Variants in RAD52 observed in about 807,000 individuals in gnomAD.
RAD52 encodes the protein RAD52 DNA repair protein, also known as DNA repair protein RAD52 homolog.
Under a neutral mutation model 55.5 loss-of-function variants are expected in RAD52, and 47 were observed. That is an observed-to-expected ratio of 0.85 (90% CI 0.67 to 1.08). The LOEUF (loss-of-function observed/expected upper bound fraction) is 1.08. Among genes scored for constraint, RAD52 ranks in the 50% least tolerant of loss-of-function variants. The pLI is 0.00. For synonymous variants in RAD52, 184 were observed against 198.9 expected (o/e 0.92, Z 0.63); for missense variants, 468 against 522.8 (o/e 0.90, Z 1.02).
In RAD52 at chr12:926,871, G is replaced by A. The variant is rs754040960; in HGVS notation, c.467+274C>T. 285 of 1,536,448 alleles carry A rather than the reference G, an allele frequency of 1.9e-4. 4 individuals are homozygous for A. The South Asian group carries it at 3.3e-3, about 18-fold the overall frequency. ...GTGCACTCGCAGTAGGAGTGGGAAG[G>A]CCTCCGGCACACATGACTGAGTGCA... On this transcript the variant is annotated intron_variant, in intron 6 of 11. Coordinates refer to ENST00000358495, the MANE Select transcript of RAD52 (RefSeq NM_134424.4).
upstream of RAD52, among the ~76,000 whole-genome samples, chr12:951,275 G>C (rs1462519115): frequency 6.6e-6 from 1 of 151,998 alleles, no homozygotes; most frequent in African/African-American, 2.4e-5. Context: ...ACCACACCTG[G>C]CTAATCTAAA....
chr12:972,562 C>G (rs138542339), intron 1 of RAD52, among the ~76,000 whole-genome samples: 10,966 of 151,508 alleles, frequency 0.072, 470 homozygotes, highest in African/African-American at 0.12. Flanking sequence ...GTCAGGAGAT[C>G]GAGACCATCC....
chr12:915,428 G>T (rs10744729), intron 9 of RAD52, among the ~76,000 whole-genome samples: 64,530 of 152,090 alleles, frequency 0.42, 14,035 homozygotes, highest in East Asian at 0.53. Context: ...CTGTGAATCT[G>T]CTTCACAATT....
intron 6 of RAD52, chr12:926,930 C>T (rs867444582): frequency 6.5e-7 from 1 of 1,537,582 alleles, no homozygotes; most frequent in African/African-American, 1.4e-5. Context: ...CTACCACTTA[C>T]TCCCAGCAAG....
chr12:925,667 T>A, intron 6 of RAD52, 142 bp from the exon 7 acceptor site: 2 of 665,060 alleles, frequency 3.0e-6, no homozygotes, highest in South Asian at 3.4e-5. Context: ...CCCATTGATG[T>A]CTGGTAAGCA....
intron 1 of RAD52, among the ~76,000 whole-genome samples, chr12:965,897 G>T (rs952809042): frequency 6.6e-6 from 1 of 152,064 alleles, no homozygotes; most frequent in Non-Finnish European, 1.5e-5. Context: ...TGTTGGCCAG[G>T]CTGATCTCGA....
chr12:916,926 C>G (rs1956422312), intron 7 of RAD52, 106 bp from the exon 8 acceptor site: 1 of 1,452,902 alleles, frequency 6.9e-7, no homozygotes, highest in African/African-American at 1.4e-5. Flanking sequence ...TTGACATCCT[C>G]CATCCATCAC....
intron 5 of RAD52, among the ~76,000 whole-genome samples, chr12:928,053 C>A (rs145254828): frequency 6.6e-6 from 1 of 152,272 alleles, no homozygotes; most frequent in African/African-American, 2.4e-5. Context: ...TGTTTGATGA[C>A]AGCGCTCTGT....
intron 1 of RAD52, among the ~76,000 whole-genome samples, chr12:982,917 T>C (rs763029490): frequency 3.9e-5 from 6 of 151,990 alleles, no homozygotes; most frequent in Admixed American, 1.3e-4. Flanking sequence ...TAGCATGATC[T>C]TGGCTCACTG....
rs1956166414 is a variant in RAD52, at chr12:912,752, A to AAAAAAAT, written c.*638_*639insATTTTTT. The AAAAAAAT allele has an allele frequency of 1.2e-5, 2 of 171,324 alleles. No individual in the cohort carries two copies. The highest frequency in any genetic ancestry group is 2.4e-5 in the African/African-American group (1 of 41,336). 10.6% of individuals were successfully genotyped at this position (171,324 alleles called of 1,614,324 possible). On this transcript the variant is annotated 3_prime_UTR_variant, in exon 12 of 12. Transcript: ENST00000358495. Reference sequence around the variant, plus strand: ...AAAAAAAAAAAAAAAAAAACAAAAAACAGCCTTTTTTCGTGGTCTTAGATG... The same window carrying AAAAAAAT: ...AAAAAAAAAAAAAAAAAAACAAAAAAAAAAAATCAGCCTTTTTTCGTGGTCTTAGATG...
At position 913,193 on chromosome 12, in the gene RAD52, T is replaced by G; in HGVS notation, c.*198A>C. The G allele has an allele frequency of 1.7e-6, 1 of 587,390 alleles. No homozygotes were observed. Among genetic ancestry groups the G allele is most frequent in the East Asian group, 2.8e-5 (1 of 35,312 alleles). The allele number at this position is 587,390 out of a possible 1,614,324, so 36.4% of individuals were successfully genotyped here. A position where few individuals can be genotyped will look rare whatever the true frequency, so the allele number is the denominator to read the frequency against. On this transcript the variant is annotated 3_prime_UTR_variant, in exon 12 of 12. Coordinates refer to ENST00000358495, the MANE Select transcript of RAD52 (RefSeq NM_134424.4). ...TGTCCAGAGCCTCTCCCTACTAGAG[T>G]GATGGACAAGCTTTTCAAAAGTGCT...
At chr12:932,211 A>C (rs924341910) in intron 2 of RAD52, among the ~76,000 whole-genome samples, 8 of 152,064 alleles carry the variant, frequency 5.3e-5, no homozygotes, top group Non-Finnish European at 1.2e-4. Context: ...CAAAAAAATT[A>C]AGCCCGGGCG....
At chr12:962,836 C>A (rs1459600398) in intron 1 of RAD52, among the ~76,000 whole-genome samples, 1 of 152,212 alleles carries the variant, frequency 6.6e-6, no homozygotes, top group African/African-American at 2.4e-5. Flanking sequence ...CCTCAGCCTC[C>A]TGAGTAGCTG....
chr12:947,053 G>A (rs7314098), intron 1 of RAD52, among the ~76,000 whole-genome samples: 39,706 of 152,106 alleles, frequency 0.26, 5,361 homozygotes, highest in East Asian at 0.37. Flanking sequence ...CCAGAGGGGC[G>A]CAGTGGCTCA....
At chr12:934,973 GAT>G (rs1957536861) in intron 1 of RAD52, among the ~76,000 whole-genome samples, 1 of 152,000 alleles carries the variant, frequency 6.6e-6, no homozygotes, top group African/African-American at 2.4e-5. Context: ...AAATTAGCCG[GAT>G]GTGGTGGCAG....
At chr12:922,139 A>AG (rs57138216) in intron 7 of RAD52, among the ~76,000 whole-genome samples, 143,516 of 143,668 alleles carry the variant, frequency 1, 71,682 homozygotes, top group Middle Eastern at 1. Flanking sequence ...ACTAATCATC[A>AG]GGGGTATGCA....
intron 7 of RAD52, among the ~76,000 whole-genome samples, chr12:924,838 G>A (rs1287142901): frequency 1.3e-5 from 2 of 152,196 alleles, no homozygotes; most frequent in South Asian, 2.1e-4. Context: ...CAGTGGTGCT[G>A]CAGAGGGCTG....
upstream of RAD52, among the ~76,000 whole-genome samples, chr12:952,876 G>A (rs1024139237): frequency 2.8e-5 from 3 of 106,186 alleles, no homozygotes; most frequent in Admixed American, 1.2e-4. Flanking sequence ...TGGGCGACAA[G>A]AACAAAACTC....
rs1421602788 is a variant in RAD52 at position 913,292 on chromosome 12, G to A, written c.*99C>T. ...AGAATGAAGCAAGATAAATCGCAATGACGTTCATTCTCCAGCAGCGATGAA... is the reference window on the plus strand; with the variant it reads ...AGAATGAAGCAAGATAAATCGCAATAACGTTCATTCTCCAGCAGCGATGAA... On this transcript the variant is annotated 3_prime_UTR_variant, in exon 12 of 12. Transcript: ENST00000358495. The A allele has an allele frequency of 9.0e-6, 8 of 891,436 alleles. No homozygotes were observed. The highest frequency in any genetic ancestry group is 1.4e-5 in the Non-Finnish European group (8 of 556,278). 55.2% of individuals were successfully genotyped at this position (891,436 alleles called of 1,614,324 possible). A position where few individuals can be genotyped will look rare whatever the true frequency, so the allele number is the denominator to read the frequency against.
Sources: gnomAD v4.1 joint callset for allele counts (sites outside exome capture counted in the v4.1 genomes callset) on GRCh38, gnomAD v4.1.1 for gene constraint, MANE v1.5 for transcripts, NCBI Gene and HGNC (gene_info 2026-07-23, HGNC 2026-07-21) for gene names.